Variants in FGF14 observed in about 807,000 individuals in gnomAD.
FGF14 encodes fibroblast growth factor 14.
FGF14 carries 5 observed loss-of-function variants against 25.5 expected under a neutral mutation model. That is an observed-to-expected ratio of 0.20 (90% CI 0.10 to 0.41). FGF14 has a LOEUF of 0.41. Among genes scored for constraint, FGF14 ranks in the 10% least tolerant of loss-of-function variants. FGF14 has a pLI of 1.00. For missense variants in FGF14, 222 were observed against 320.1 expected (o/e 0.69, Z 2.34); for synonymous variants, 138 against 118.3 (o/e 1.17, Z -1.08).
chr13:101,931,974 TA>T (rs1413708213), intron 1 of FGF14, among the ~76,000 whole-genome samples: 1 of 152,220 alleles, frequency 6.6e-6, no homozygotes, highest in East Asian at 1.9e-4. Context: ...GTCTTGGTTA[TA>T]AGAACTTTCC....
At chr13:101,873,874 T>C (rs1298987986) in intron 2 of FGF14, among the ~76,000 whole-genome samples, 1 of 150,698 alleles carries the variant, frequency 6.6e-6, no homozygotes, top group Non-Finnish European at 1.5e-5. Context: ...AAACTAAAAA[T>C]AAACCAATAA....
chr13:102,100,870 C>T (rs952614798), intron 1 of FGF14, among the ~76,000 whole-genome samples: 4 of 152,164 alleles, frequency 2.6e-5, no homozygotes, highest in African/African-American at 7.2e-5. Context: ...GAGGCTGAGA[C>T]GGGCAGATCA....
At chr13:102,161,718 G>GAAGAAGAAT (rs1346357180) in intron 1 of FGF14, among the ~76,000 whole-genome samples, 7 of 149,658 alleles carry the variant, frequency 4.7e-5, no homozygotes, top group Admixed American at 4.0e-4. Context: ...AGAAGAAGAA[G>GAAGAAGAAT]AAGAAGAATA....
intron 1 of FGF14, among the ~76,000 whole-genome samples, chr13:102,087,721 G>A (rs1218476956): frequency 1.3e-5 from 2 of 151,794 alleles, no homozygotes; most frequent in Non-Finnish European, 2.9e-5. Flanking sequence ...ACCGCGCCCA[G>A]CCCAGACTGT....
intron 1 of FGF14, chr13:102,263,119 C>G: frequency 1.6e-6 from 1 of 624,816 alleles, no homozygotes. Flanking sequence ...TCGTCTAAAT[C>G]CACTGGGGAA....
intron 1 of FGF14, among the ~76,000 whole-genome samples, chr13:102,161,558 CTTTCTGTGAAGAAAGAA>C (rs1250581661): frequency 1.1e-4 from 2 of 18,658 alleles, no homozygotes; most frequent in South Asian, 9.4e-3. Context: ...ATGCAACCAA[CTTTCTGTGAAGAAAGAA>C]AGAAGAAGAA....
At chr13:102,286,999 G>A (rs781326030) in intron 1 of FGF14, among the ~76,000 whole-genome samples, 30 of 151,672 alleles carry the variant, frequency 2.0e-4, no homozygotes, top group Admixed American at 3.9e-4. Flanking sequence ...GGAGGGGGAG[G>A]GATAGCATTA....
At chr13:102,347,976 G>A (rs1043269342) in intron 1 of FGF14, among the ~76,000 whole-genome samples, 2 of 150,404 alleles carry the variant, frequency 1.3e-5, no homozygotes, top group Admixed American at 6.6e-5. Flanking sequence ...CTCTAAGAAT[G>A]CATACGACCC....
chr13:101,850,489 TA>T (rs1226804805), intron 3 of FGF14, among the ~76,000 whole-genome samples: 2 of 906 alleles, frequency 2.2e-3, no homozygotes, highest in Admixed American at 0.018. Context: ...TATATATATA[TA>T]TATATATATA....
chr13:101,870,062 G>T (rs2140454193), intron 2 of FGF14, among the ~76,000 whole-genome samples: 1 of 152,246 alleles, frequency 6.6e-6, no homozygotes, highest in South Asian at 2.1e-4. Context: ...ATACTCAGGG[G>T]CATCTATGGT....
intron 1 of FGF14, among the ~76,000 whole-genome samples, chr13:102,059,221 C>T (rs561516729): frequency 1.1e-3 from 163 of 152,310 alleles, no homozygotes; most frequent in African/African-American, 3.7e-3. Flanking sequence ...CACATTGTCA[C>T]ATCATCAACT....
At chr13:101,990,529 T>C (rs74108953) in intron 1 of FGF14, among the ~76,000 whole-genome samples, 3,156 of 152,244 alleles carry the variant, frequency 0.021, 88 homozygotes, top group African/African-American at 0.07. Context: ...TTGTACTTAG[T>C]GACGGCCTCA....
chr13:101,998,680 T>C (rs1233394055), intron 1 of FGF14, among the ~76,000 whole-genome samples: 7 of 152,332 alleles, frequency 4.6e-5, no homozygotes, highest in African/African-American at 1.7e-4. Flanking sequence ...AATCTTCACA[T>C]CTGCACATAG....
chr13:102,076,370 T>C (rs148221418), intron 1 of FGF14, among the ~76,000 whole-genome samples: 55 of 152,344 alleles, frequency 3.6e-4, no homozygotes, highest in African/African-American at 1.3e-3. Flanking sequence ...TACAGGCATA[T>C]GTTGTACAGG....
At chr13:101,910,457 G>C (rs2032799451) in intron 1 of FGF14, among the ~76,000 whole-genome samples, 1 of 152,004 alleles carries the variant, frequency 6.6e-6, no homozygotes, top group South Asian at 2.1e-4. Context: ...CTTTGAAGTG[G>C]CCCTTCCCTA....
chr13:101,994,828 G>T (rs1171035264), intron 1 of FGF14, among the ~76,000 whole-genome samples: 1 of 151,924 alleles, frequency 6.6e-6, no homozygotes, highest in Non-Finnish European at 1.5e-5. Flanking sequence ...AATATGCCTT[G>T]CATTCTATAG....
intron 1 of FGF14, among the ~76,000 whole-genome samples, chr13:102,396,300 T>C (rs1006450711): frequency 3.2e-4 from 48 of 152,222 alleles, no homozygotes; most frequent in Non-Finnish European, 1.5e-4. Context: ...ATGACTTGTT[T>C]AACACTGAAG....
At chr13:101,749,613 G>A (rs1477284984) in intron 3 of FGF14, among the ~76,000 whole-genome samples, 4 of 152,082 alleles carry the variant, frequency 2.6e-5, no homozygotes, top group Non-Finnish European at 5.9e-5. Flanking sequence ...CTACATGTGT[G>A]TTAGGGTTAG....
chr13:101,752,641 C>T (rs962212506), intron 3 of FGF14, among the ~76,000 whole-genome samples: 1 of 152,194 alleles, frequency 6.6e-6, no homozygotes, highest in South Asian at 2.1e-4. Flanking sequence ...CCCTTTCATA[C>T]AGAAAGTCTC....
Sources: gnomAD v4.1 joint callset for allele counts (sites outside exome capture counted in the v4.1 genomes callset) on GRCh38, gnomAD v4.1.1 for gene constraint, MANE v1.5 for transcripts, NCBI Gene and HGNC (gene_info 2026-07-23, HGNC 2026-07-21) for gene names.